The following SF1 variants were observed in gnomAD, a reference collection of about 807,000 sequenced individuals.
SF1 encodes the protein splicing factor 1.
Under a neutral mutation model 62.5 loss-of-function variants are expected in SF1, and 7 were observed. The observed-to-expected ratio is 0.11, with a 90% CI of 0.06 to 0.21. SF1 has a LOEUF of 0.21. Ranked by LOEUF, SF1 falls within the 10% of genes least tolerant of loss-of-function variation. The pLI, the probability that SF1 is intolerant of heterozygous loss-of-function variation, is 1.00. For missense variants in SF1, 578 were observed against 884.0 expected, an observed-to-expected ratio of 0.65 and a Z score of 4.39; for synonymous variants, 394 against 323.6, an observed-to-expected ratio of 1.22 and a Z score of -2.33.
chr11:64,767,003 G>A lies in SF1; in HGVS notation c.1479C>T (p.Pro493=), dbSNP rs1485724294. 1 of 1,531,992 alleles carries A rather than the reference G, an allele frequency of 6.5e-7. No homozygotes were observed. The highest frequency in any genetic ancestry group is 1.3e-5 in the South Asian group (1 of 77,720). The allele number at this position is 1,531,992 out of a possible 1,614,324, so 94.9% of individuals were successfully genotyped here. A position where few individuals can be genotyped will look rare whatever the true frequency, so the allele number is the denominator to read the frequency against. ...PPPSGQPPPP[P]SGPLPPWQQQ... Reference sequence around the variant, plus strand: ...GTTGCCATGGGGGAAGAGGACCAGAGGGAGGGGGTGGGGGCTGCCCACTGG... The same window carrying A: ...GTTGCCATGGGGGAAGAGGACCAGAAGGAGGGGGTGGGGGCTGCCCACTGG... The change falls in exon 12 of 13, where the codon CCC becomes CCT. Residue 493 remains proline (P), a synonymous_variant. Transcript: ENST00000377390.
At chr11:64,777,548 T>C (rs1185588408) in intron 1 of SF1, 1 of 985,348 alleles carries the variant, frequency 1.0e-6, no homozygotes, top group African/African-American at 1.7e-5. Context: ...GGAGCTATCC[T>C]TGGTACGGTT....
Position 64,767,200 on chromosome 11 carries a change from T to C in SF1, c.1394A>G (p.Gln465Arg), listed in dbSNP as rs770738805. Residue 465 changes from glutamine (Q) to arginine (R), a missense_variant, in exon 11 of 13, where the codon CAA (glutamine) becomes CGA (arginine). By Grantham distance (43) the Gln-to-Arg change is conservative (BLOSUM62 1). This residue lies in a region of SF1 where 410 missense variants were observed against 452.4 expected (regional missense o/e 0.91). Coordinates refer to ENST00000377390, the MANE Select transcript of SF1 (RefSeq NM_004630.4). Reference sequence around the variant, plus strand: ...CAGCAGACAGCCATTACCTTTTCCTTGATGCAGGCGATAGACCCCAGAGCC... The same window carrying C: ...CAGCAGACAGCCATTACCTTTTCCTCGATGCAGGCGATAGACCCCAGAGCC... The part of the protein sequence containing the change: ...PVGSGVYRLH[Q>R]GKGMMPPPPM... 1 of 1,614,038 alleles carries C rather than the reference T, an allele frequency of 6.2e-7. No individual in the cohort carries two copies. The highest frequency in any genetic ancestry group is 8.5e-7 in the Non-Finnish European group (1 of 1,179,980).
intron 2 of SF1, 32 bp downstream of exon 2, chr11:64,776,466 A>C (rs1312593318): frequency 1.3e-6 from 2 of 1,567,166 alleles, no homozygotes; most frequent in Admixed American, 4.0e-5. Flanking sequence ...TAACAATCTC[A>C]AAGTGCATTT....
intron 1 of SF1, chr11:64,777,404 T>C (rs1333719384): frequency 1.4e-6 from 1 of 693,132 alleles, no homozygotes; most frequent in East Asian, 1.3e-4. Context: ...GATCTAAACA[T>C]ACTGAACAGA....
In SF1 at chr11:64,769,078, T is replaced by A. The variant is rs758778286; in HGVS notation, c.831A>T (p.Thr277=). The A allele has an allele frequency of 6.2e-7, 1 of 1,614,172 alleles. No individual in the cohort carries two copies. The highest frequency in any genetic ancestry group is 8.5e-7 in the Non-Finnish European group (1 of 1,180,008). ...CAGCCCCTCCACACTTGGTACACAC[T>A]GTGGTGTTGGTAATGCTGCGGGTCT... ...SSETRSITNT[T]VCTKCGGAGH... is the part of the protein sequence containing the mutation. Residue 277 remains threonine, a synonymous_variant, in exon 8 of 13, where the codon ACA becomes ACT. Coordinates refer to ENST00000377390, the MANE Select transcript of SF1 (RefSeq NM_004630.4).
At chr11:64,771,872 A>G (rs1938377928) in intron 3 of SF1, 12 of 985,468 alleles carry the variant, frequency 1.2e-5, no homozygotes, top group Non-Finnish European at 1.4e-5. Flanking sequence ...TGGGCTCAAA[A>G]GCAAAACCAA....
chr11:64,778,074 G>A, intron 1 of SF1: 1 of 985,792 alleles, frequency 1.0e-6, no homozygotes, highest in Non-Finnish European at 1.2e-6. Flanking sequence ...CGCTGGTAGA[G>A]CGGCGGCGGA....
intron 2 of SF1, among the ~76,000 whole-genome samples, chr11:64,775,555 T>G (rs900079912): frequency 5.3e-5 from 8 of 152,188 alleles, no homozygotes; most frequent in African/African-American, 1.9e-4. Context: ...ATTAAGACCC[T>G]CAAAAGTAGT....
intron 12 of SF1, chr11:64,766,518 C>T: frequency 2.3e-6 from 1 of 441,832 alleles, no homozygotes; most frequent in Non-Finnish European, 4.0e-6. Context: ...TGCCCAGTCC[C>T]ACCTCTGCAG....
chr11:64,766,080 G>C lies in SF1; in HGVS notation c.1658C>G (p.Ala553Gly). ...TTGCATCTGAGGGGCTCCTGGAGAA[G>C]CTGCGGCAGCCGCCTGCTGCTGTTG... ...PWQQQQAAAA[A>G]SPGAPQMQGN... Residue 553 changes from alanine to glycine, a missense_variant, in exon 13 of 13, where the codon GCT becomes GGT. Transcript: ENST00000377390. 6.2e-7 allele frequency: 1 copy of C among 1,611,512 alleles called. No homozygotes were observed. The highest frequency in any genetic ancestry group is 8.5e-7 in the Non-Finnish European group (1 of 1,179,678).
chr11:64,776,631 A>C lies in SF1; in HGVS notation c.32-5T>G. On this transcript the variant is annotated splice_region_variant and splice_polypyrimidine_tract_variant and intron_variant, in intron 1 of 12. Transcript: ENST00000377390. ...TCCGCTTCTTACTTGGGAAGTCTAA[A>C]AGGCAGAGACAAAATCCATCCGATG... is the stretch of plus-strand genomic sequence containing the variant. 2 of 1,604,258 alleles carry C rather than the reference A, an allele frequency of 1.2e-6. No homozygotes were observed. The highest frequency in any genetic ancestry group is 1.7e-6 in the Non-Finnish European group (2 of 1,177,462).
chr11:64,766,241 GCGCCTGCTCCTTGCTTGGCATGCGGTAC>G, intron 12 of SF1, 86 bp from the exon 13 acceptor site: 1 of 793,602 alleles, frequency 1.3e-6, no homozygotes, highest in Non-Finnish European at 1.9e-6. Context: ...GGGGCGAGGG[GCGCCTGCTCCTTGCTTGGCATGCGGTAC>G]GGTGGTGGGG....
chr11:64,778,436 G>A lies in SF1; in HGVS notation c.-44C>T. ...CACCGGCACCTGCTTTTCCTCTGCG[G>A]CGGCTTCTCCTTCGCAAGCCTCCCG... On this transcript the variant is annotated 5_prime_UTR_variant, in exon 1 of 13. Transcript: ENST00000377390. 2 of 1,220,654 alleles carry A rather than the reference G, an allele frequency of 1.6e-6. No individual in the cohort carries two copies. The highest frequency in any genetic ancestry group is 2.0e-6 in the Non-Finnish European group (2 of 979,636). 75.6% of individuals were successfully genotyped at this position (1,220,654 alleles called of 1,614,324 possible). A position where few individuals can be genotyped will look rare whatever the true frequency, so the allele number is the denominator to read the frequency against.
At chr11:64,770,488 C>T in intron 3 of SF1, 80 bp from the exon 4 acceptor site, 2 of 1,493,556 alleles carry the variant, frequency 1.3e-6, no homozygotes, top group Non-Finnish European at 1.8e-6. Flanking sequence ...TCTTTCCCAG[C>T]CCCTCTGCCT....
chr11:64,767,900 T>C, intron 9 of SF1, 56 bp from the exon 10 acceptor site: 1 of 1,586,976 alleles, frequency 6.3e-7, no homozygotes, highest in Admixed American at 1.9e-5. Flanking sequence ...GTGGCAACAT[T>C]GTTCTTCGGG....
intron 1 of SF1, among the ~76,000 whole-genome samples, chr11:64,777,257 G>C (rs1441396886): frequency 3.9e-5 from 6 of 152,138 alleles, no homozygotes; most frequent in African/African-American, 9.7e-5. Flanking sequence ...TACAATAGCA[G>C]CCAAGTTCTC....
intron 1 of SF1, chr11:64,777,977 C>T (rs910823941): frequency 1.0e-5 from 10 of 993,852 alleles, no homozygotes; most frequent in Non-Finnish European, 1.1e-5. Context: ...GCTCTCTCGG[C>T]CCGACTCACC....
chr11:64,771,646 A>T, intron 3 of SF1: 1 of 985,408 alleles, frequency 1.0e-6, no homozygotes, highest in Non-Finnish European at 1.2e-6. Flanking sequence ...CATTTGTATA[A>T]ACTGTTAGCA....
intron 9 of SF1, 128 bp from the exon 10 acceptor site, chr11:64,767,972 G>T: frequency 6.9e-7 from 1 of 1,450,962 alleles, no homozygotes; most frequent in Non-Finnish European, 9.3e-7. Flanking sequence ...CCCCAAACTG[G>T]CCTGAGATCC....
Sources: gnomAD v4.1 joint callset for allele counts (sites outside exome capture counted in the v4.1 genomes callset) on GRCh38, gnomAD v4.1.1 for gene constraint, gnomAD v4.1.1 regional missense constraint, MANE v1.5 for transcripts, NCBI Gene and HGNC (gene_info 2026-07-23, HGNC 2026-07-21) for gene names.